Variants in EPM2A observed in about 807,000 individuals in gnomAD.
The protein encoded by EPM2A is EPM2A glucan phosphatase, laforin, also known as laforin.
In EPM2A, 21 loss-of-function variants were observed where a neutral mutation model predicts 26.5. The observed-to-expected ratio is 0.79, with a 90% CI of 0.56 to 1.14. EPM2A has a LOEUF of 1.14. Among genes scored for constraint, EPM2A ranks in the 50% most tolerant of loss-of-function variants. The pLI is 0.00. For synonymous variants in EPM2A, 217 were observed against 177.6 expected (o/e 1.22, Z -1.76); for missense variants, 458 against 440.8 (o/e 1.04, Z -0.35).
downstream of EPM2A, among the ~76,000 whole-genome samples, chr6:145,496,735 T>G (rs1046849204): frequency 8.1e-6 from 1 of 123,012 alleles, no homozygotes. Flanking sequence ...GCAATTTTTT[T>G]TTTTTTTTTT....
intron 2 of EPM2A, among the ~76,000 whole-genome samples, chr6:145,607,918 T>C (rs189509650): frequency 1.3e-5 from 2 of 152,300 alleles, no homozygotes; most frequent in Admixed American, 6.5e-5. Flanking sequence ...GCTCTTGCTA[T>C]CATGTGAGGC....
At chr6:145,609,292 G>C (rs990289757) in intron 2 of EPM2A, among the ~76,000 whole-genome samples, 2 of 152,134 alleles carry the variant, frequency 1.3e-5, no homozygotes, top group South Asian at 4.1e-4. Context: ...AATAATCTTG[G>C]AACTGGGTCC....
Position 145,674,910 on chromosome 6 carries a change from A to G in EPM2A, c.476+11212T>C, listed in dbSNP as rs189512893. 1.5e-3 allele frequency among the ~76,000 whole-genome samples: 223 copies of G among 152,310 alleles called. 4 individuals carry two copies. The highest frequency in any genetic ancestry group is 3.9e-4 in the East Asian group (2 of 5,176). Reference sequence around the variant, plus strand: ...CTCCAACCTGGTAAGGCAGGCCAACATTCAAATTCAGGAAATACAGAGAAC... The same window carrying G: ...CTCCAACCTGGTAAGGCAGGCCAACGTTCAAATTCAGGAAATACAGAGAAC... On this transcript the variant is annotated intron_variant, in intron 2 of 3. Transcript: ENST00000367519.
intron 4 of EPM2A, among the ~76,000 whole-genome samples, chr6:145,480,567 G>A (rs1779601462): frequency 6.6e-6 from 1 of 151,870 alleles, no homozygotes; most frequent in Non-Finnish European, 1.5e-5. Context: ...TTATCTTTTC[G>A]ATTTCTTCAC....
chr6:145,674,112 T>C (rs1289461292), intron 2 of EPM2A, among the ~76,000 whole-genome samples: 3 of 152,072 alleles, frequency 2.0e-5, no homozygotes, highest in Admixed American at 6.6e-5. Flanking sequence ...GGCAGCAATA[T>C]TTGCTATTCT....
chr6:145,463,120 A>G (rs962059110), intron 4 of EPM2A: 1 of 152,168 alleles, frequency 6.6e-6, no homozygotes, highest in African/African-American at 2.4e-5. Context: ...TTCACAGGTA[A>G]TGAGGGTTAA....
intron 2 of EPM2A, among the ~76,000 whole-genome samples, chr6:145,681,718 T>C (rs1351205411): frequency 6.6e-6 from 1 of 152,110 alleles, no homozygotes; most frequent in Non-Finnish European, 1.5e-5. Context: ...TGCGGCGTTA[T>C]TTCTGAGGGC....
intron 4 of EPM2A, among the ~76,000 whole-genome samples, chr6:145,412,038 T>A (rs1205904532): frequency 1.3e-5 from 2 of 151,868 alleles, no homozygotes; most frequent in Non-Finnish European, 2.9e-5. Context: ...GCAAACATAG[T>A]GAAACCGTCT....
chr6:145,580,110 C>A (rs1196397935), intron 2 of EPM2A, among the ~76,000 whole-genome samples: 2 of 152,068 alleles, frequency 1.3e-5, no homozygotes, highest in Non-Finnish European at 2.9e-5. Flanking sequence ...TATAGATTTA[C>A]CCATGGAGTT....
intron 4 of EPM2A, among the ~76,000 whole-genome samples, chr6:145,406,665 T>C (rs1725021044): frequency 6.6e-6 from 1 of 152,182 alleles, no homozygotes; most frequent in Non-Finnish European, 1.5e-5. Context: ...GACTGGATTT[T>C]CAGGAAAACC....
At chr6:145,393,792 G>A (rs1216271595) in intron 4 of EPM2A, among the ~76,000 whole-genome samples, 1 of 151,648 alleles carries the variant, frequency 6.6e-6, no homozygotes, top group Non-Finnish European at 1.5e-5. Context: ...CATAAAAATG[G>A]TCAGGGTCAC....
chr6:145,686,352 T>C, intron 1 of EPM2A, 56 bp from the exon 2 acceptor site: 3 of 1,393,484 alleles, frequency 2.2e-6, no homozygotes, highest in African/African-American at 1.4e-5. Flanking sequence ...TGTTTAAATA[T>C]CCTCAAAGCA....
rs74377552 is a variant in EPM2A, at chr6:145,457,590, A to G, written c.555+44932T>C. 3.1e-3 allele frequency among the ~76,000 whole-genome samples: 474 copies of G among 152,182 alleles called. 10 individuals are homozygous for G. In the East Asian group the frequency reaches 0.054, roughly 17 times the overall value. ...CTTTTGCATTCCCAACACCTAATTC[A>G]CTCACTTAATTTTTATTGAATGTAT... On this transcript the variant is annotated intron_variant, in intron 4 of 4. Transcript: ENST00000638717.
intron 2 of EPM2A, among the ~76,000 whole-genome samples, chr6:145,685,101 T>A (rs766486972): frequency 2.6e-5 from 4 of 152,164 alleles, no homozygotes; most frequent in African/African-American, 4.8e-5. Context: ...TAAATAACAC[T>A]TACATAATAT....
At chr6:145,385,727 G>A (rs1195834095) in intron 4 of EPM2A, among the ~76,000 whole-genome samples, 1 of 152,062 alleles carries the variant, frequency 6.6e-6, no homozygotes, top group Non-Finnish European at 1.5e-5. Context: ...ACAATGAGTA[G>A]CTTGAATTTT....
At chr6:145,663,412 T>C (rs9767028) in intron 2 of EPM2A, among the ~76,000 whole-genome samples, 11,773 of 152,168 alleles carry the variant, frequency 0.077, 1,210 homozygotes, top group African/African-American at 0.23. Context: ...GCACCGTGCG[T>C]GAGCCGAAGC....
At chr6:145,556,132 T>G (rs980950179) in intron 2 of EPM2A, among the ~76,000 whole-genome samples, 1 of 152,226 alleles carries the variant, frequency 6.6e-6, no homozygotes, top group African/African-American at 2.4e-5. Flanking sequence ...CATTAGGTTT[T>G]TGTCCCATGA....
chr6:145,565,831 G>A (rs1219513180), intron 2 of EPM2A, among the ~76,000 whole-genome samples: 1 of 152,130 alleles, frequency 6.6e-6, no homozygotes, highest in Non-Finnish European at 1.5e-5. Flanking sequence ...TCTATGCGAT[G>A]AGGTAAAGAA....
At chr6:145,540,845 A>G (rs1274792383) in intron 2 of EPM2A, among the ~76,000 whole-genome samples, 1 of 152,206 alleles carries the variant, frequency 6.6e-6, no homozygotes, top group African/African-American at 2.4e-5. Context: ...ATTACCTTCC[A>G]TTTCCATTTA....
Sources: gnomAD v4.1 joint callset for allele counts (sites outside exome capture counted in the v4.1 genomes callset) on GRCh38, gnomAD v4.1.1 for gene constraint, MANE v1.5 for transcripts, NCBI Gene and HGNC (gene_info 2026-07-23, HGNC 2026-07-21) for gene names.